Variants in ZNF267 observed in about 807,000 individuals in gnomAD.
ZNF267 encodes the protein zinc finger (C2H2).
ZNF267 carries 61 observed loss-of-function variants against 71.6 expected under a neutral mutation model. The observed-to-expected ratio is 0.85, with a 90% CI of 0.69 to 1.05. The LOEUF (loss-of-function observed/expected upper bound fraction) is 1.05. Ranked by LOEUF, ZNF267 falls within the 50% of genes least tolerant of loss-of-function variation. ZNF267 has a pLI of 0.00. For synonymous variants in ZNF267, 288 were observed against 293.2 expected, an observed-to-expected ratio of 0.98 and a Z score of 0.18; for missense variants, 852 against 870.0, an observed-to-expected ratio of 0.98 and a Z score of 0.26.
Position 31,916,568 on chromosome 16 carries a change from A to T in ZNF267, c.*87A>T. On this transcript the variant is annotated 3_prime_UTR_variant, in exon 4 of 4. Transcript: ENST00000300870. ...TTTATATGGGAGTGAAACCCTACAAATGTTAAGAATGTGGCATAACCTTTA... is the reference window on the plus strand; with the variant it reads ...TTTATATGGGAGTGAAACCCTACAATTGTTAAGAATGTGGCATAACCTTTA... 7.9e-7 allele frequency: 1 copy of T among 1,262,206 alleles called. No individual in the cohort carries two copies. Among genetic ancestry groups the T allele is most frequent in the Non-Finnish European group, 1.1e-6 (1 of 922,002 alleles). 78.2% of individuals were successfully genotyped at this position (1,262,206 alleles called of 1,614,324 possible).
At chr16:31,907,453 G>A (rs1211141272) in intron 3 of ZNF267, among the ~76,000 whole-genome samples, 3 of 152,002 alleles carry the variant, frequency 2.0e-5, no homozygotes, top group African/African-American at 2.4e-5. Context: ...GCTACATCAG[G>A]TCTGCTGTAG....
At position 31,915,655 on chromosome 16, in the gene ZNF267, G is replaced by A. The variant is rs1364074668; in HGVS notation, c.1406G>A (p.Cys469Tyr). The A allele has an allele frequency of 6.2e-7, 1 of 1,613,912 alleles. No individual in the cohort carries two copies. The highest frequency in any genetic ancestry group is 8.5e-7 in the Non-Finnish European group (1 of 1,179,962). Residue 469 changes from cysteine to tyrosine, a missense_variant, in exon 4 of 4, where the codon TGT becomes TAT. Physicochemically the swap from Cys to Tyr is radical, Grantham distance 194. Coordinates refer to ENST00000300870, the MANE Select transcript of ZNF267 (RefSeq NM_003414.6). ...TGEKLYKCKV[C>Y]SKSYARSSNL... is the part of the protein sequence containing the mutation. ...GAAAAACTTTACAAATGTAAAGTAT[G>A]TAGCAAATCTTATGCTCGTTCTTCA...
intron 1 of ZNF267, among the ~76,000 whole-genome samples, chr16:31,874,780 A>G (rs1315525016): frequency 1.3e-5 from 2 of 152,128 alleles, no homozygotes; most frequent in African/African-American, 2.4e-5. Flanking sequence ...GCAGAGTCTC[A>G]AGTCCACCAC....
intron 3 of ZNF267, among the ~76,000 whole-genome samples, chr16:31,902,253 C>G (rs2084047510): frequency 6.6e-6 from 1 of 152,042 alleles, no homozygotes. Context: ...GTTCTTTTGG[C>G]TTAGGATTGT....
In ZNF267 at chr16:31,915,365, A is replaced by T; in HGVS notation, c.1116A>T (p.Gln372His). ...NCSLYLTKQQ[Q>H]IDTGENLYKC... ...GTTTATACCTTACTAAACAGCAGCA[A>T]ATTGATACTGGAGAAAACCTTTACA... Residue 372 changes from glutamine to histidine, a missense_variant, in exon 4 of 4, where the codon CAA becomes CAT. Transcript: ENST00000300870. The T allele has an allele frequency of 1.2e-6, 2 of 1,613,518 alleles. No homozygotes were observed. Among genetic ancestry groups the T allele is most frequent in the Non-Finnish European group, 1.7e-6 (2 of 1,179,806 alleles).
intron 1 of ZNF267, among the ~76,000 whole-genome samples, chr16:31,874,784 C>T (rs945351631): frequency 1.3e-5 from 2 of 152,160 alleles, no homozygotes; most frequent in Non-Finnish European, 2.9e-5. Context: ...AGTCTCAAGT[C>T]CACCACTGTG....
chr16:31,899,679 G>C (rs1159770425), intron 3 of ZNF267, among the ~76,000 whole-genome samples: 1 of 152,138 alleles, frequency 6.6e-6, no homozygotes, highest in Admixed American at 6.5e-5. Context: ...AAATGTGAGA[G>C]ATGTGCCTAA....
chr16:31,896,402 A>G lies in ZNF267; in HGVS notation c.226+11146A>G, dbSNP rs1266707955. Among the ~76,000 whole-genome samples the G allele has an allele frequency of 2.6e-5, 4 of 152,208 alleles. No homozygotes were observed. The South Asian group carries it at 6.2e-4, about 24-fold the overall frequency. On this transcript the variant is annotated intron_variant, in intron 3 of 3. Coordinates refer to ENST00000300870, the MANE Select transcript of ZNF267 (RefSeq NM_003414.6). ...GCAAATGCCCTATGCAAACTATGAA[A>G]TAGTTTGGGCTGATTACACTTAATT... is the stretch of plus-strand genomic sequence containing the variant.
At position 31,914,519 on chromosome 16, in the gene ZNF267, C is replaced by T. The variant is rs145539247; in HGVS notation, c.270C>T (p.Cys90=). ...ACAAGGACCTGTTGACAGAGCACTG[C>T]ACAGAAGCTTCATTCCAAAAAGTGA... ...HYNKDLLTEH[C]TEASFQKVIS... The change falls in exon 4 of 4, where the codon TGC becomes TGT. Residue 90 remains cysteine (C), a synonymous_variant. Transcript: ENST00000300870. 5.1e-5 allele frequency: 83 copies of T among 1,613,434 alleles called. No individual in the cohort carries two copies. The highest frequency in any genetic ancestry group is 6.8e-5 in the Non-Finnish European group (80 of 1,179,788).
chr16:31,894,565 C>G (rs1455764273), intron 3 of ZNF267: 5 of 501,628 alleles, frequency 1.0e-5, no homozygotes, highest in African/African-American at 2.0e-5. Flanking sequence ...TAATCGCGCT[C>G]TCACCTTTTC....
rs1017025930 is a variant in ZNF267, at chr16:31,887,054, C to G, written c.226+1798C>G. Among the ~76,000 whole-genome samples the G allele has an allele frequency of 3.9e-5, 6 of 152,166 alleles. 1 individual carries two copies. Among genetic ancestry groups the G allele is most frequent in the Admixed American group, 3.3e-4 (5 of 15,276 alleles). The stretch of plus-strand genomic sequence containing the variant: ...TTGACTCTGACAGCAGTCATTCTAA[C>G]AAGTGTGAATATTTATTTATTGACT... On this transcript the variant is annotated intron_variant, in intron 3 of 3. Transcript: ENST00000300870.
chr16:31,910,461 C>T (rs1034258914), intron 3 of ZNF267, among the ~76,000 whole-genome samples: 10 of 151,462 alleles, frequency 6.6e-5, no homozygotes, highest in South Asian at 2.1e-4. Flanking sequence ...TGGATTTCTT[C>T]GTTGTTTAAT....
intron 1 of ZNF267, chr16:31,874,235 C>T (rs777100626): frequency 4.7e-4 from 209 of 442,702 alleles, no homozygotes; most frequent in Admixed American, 1.2e-3. Flanking sequence ...AGCTCCGCGT[C>T]GCAGCCCCGC....
chr16:31,880,366 A>T (rs2083881474), intron 1 of ZNF267, among the ~76,000 whole-genome samples: 1 of 152,216 alleles, frequency 6.6e-6, no homozygotes, highest in Non-Finnish European at 1.5e-5. Context: ...GTCCAGAGCC[A>T]TGAGTAAAGC....
At chr16:31,880,016 C>T (rs76378339) in intron 1 of ZNF267, among the ~76,000 whole-genome samples, 1,894 of 152,238 alleles carry the variant, frequency 0.012, 20 homozygotes, top group Non-Finnish European at 0.017. Flanking sequence ...AGGGCTGTCT[C>T]CTCTAGTTTT....
Position 31,915,616 on chromosome 16 carries a change from C to T in ZNF267, c.1367C>T (p.Thr456Ile). The change falls in exon 4 of 4, where the codon ACA (threonine) becomes ATA (isoleucine). Residue 456 changes from threonine to isoleucine, a missense_variant. Thr to Ile is a moderately conservative substitution (Grantham distance 89, BLOSUM62 -1). Transcript: ENST00000300870. ...NRSSCLTQHQ[T>I]THTGEKLYKC... is the part of the protein sequence containing the mutation. ...AGTTCATGCCTTACTCAACATCAGA[C>T]AACTCATACAGGAGAAAAACTTTAC... The T allele has an allele frequency of 6.2e-7, 1 of 1,613,426 alleles. No individual in the cohort carries two copies.
rs148534327 is a variant in ZNF267, at chr16:31,915,585, A to G, written c.1336A>G (p.Asn446Asp). Residue 446 changes from asparagine (N) to aspartate (D), a missense_variant, in exon 4 of 4, where the codon AAC (asparagine) becomes GAC (aspartate). Coordinates refer to ENST00000300870, the MANE Select transcript of ZNF267 (RefSeq NM_003414.6). ...ATGTAAAGAATGTGGAAAAGCTTTTAACCGTAGTTCATGCCTTACTCAACA... is the reference window on the plus strand; with the variant it reads ...ATGTAAAGAATGTGGAAAAGCTTTTGACCGTAGTTCATGCCTTACTCAACA... ...YKCKECGKAF[N>D]RSSCLTQHQT... 32 of 1,613,344 alleles carry G rather than the reference A, an allele frequency of 2.0e-5. No homozygotes were observed. The highest frequency in any genetic ancestry group is 3.3e-4 in the Middle Eastern group (2 of 6,076).
chr16:31,890,795 T>C (rs548116898), intron 3 of ZNF267, among the ~76,000 whole-genome samples: 1 of 152,340 alleles, frequency 6.6e-6, no homozygotes, highest in East Asian at 1.9e-4. Context: ...CATAAGGACA[T>C]TAATTCATGA....
chr16:31,898,414 G>C (rs550619722), intron 3 of ZNF267, among the ~76,000 whole-genome samples: 21 of 151,942 alleles, frequency 1.4e-4, no homozygotes, highest in Non-Finnish European at 2.6e-4. Context: ...ATTTTGTCTT[G>C]TGAATGATTT....
Sources: gnomAD v4.1 joint callset for allele counts (sites outside exome capture counted in the v4.1 genomes callset) on GRCh38, gnomAD v4.1.1 for gene constraint, MANE v1.5 for transcripts, NCBI Gene and HGNC (gene_info 2026-07-23, HGNC 2026-07-21) for gene names.